Variants in TIMM44 observed in about 807,000 individuals in gnomAD.
The protein encoded by TIMM44 is mitochondrial import inner membrane translocase subunit TIM44.
In TIMM44, 37 loss-of-function variants were observed where a neutral mutation model predicts 63.8. The ratio of observed to expected loss-of-function variants is 0.58; its 90% confidence interval spans 0.45 to 0.76. The LOEUF is 0.76. Among genes scored for constraint, TIMM44 ranks in the 30% least tolerant of loss-of-function variants. The pLI is 0.00. For synonymous variants in TIMM44, 239 were observed against 245.1 expected (o/e 0.98, Z 0.23); for missense variants, 573 against 603.8 (o/e 0.95, Z 0.54).
intron 3 of TIMM44, 125 bp from the exon 4 acceptor site, chr19:7,935,270 A>G: frequency 1.2e-6 from 1 of 860,602 alleles, no homozygotes; most frequent in Non-Finnish European, 1.8e-6. Context: ...GATTCAAGCG[A>G]TTTTCCTGCC....
intron 3 of TIMM44, among the ~76,000 whole-genome samples, chr19:7,937,225 C>T (rs1202587772): frequency 4.0e-4 from 61 of 151,774 alleles, no homozygotes; most frequent in Non-Finnish European, 7.4e-5. Context: ...GCCAAGGTCA[C>T]GCCACTGCAC....
In TIMM44 at chr19:7,927,318, G is replaced by T; in HGVS notation, c.1240-12C>A. The T allele has an allele frequency of 6.2e-7, 1 of 1,609,392 alleles. No individual in the cohort carries two copies. On this transcript the variant is annotated splice_polypyrimidine_tract_variant and intron_variant, in intron 12 of 12. Transcript: ENST00000270538. ...CGCAGCACCTTGTCCTGCAGGGTGG[G>T]GTGGGAAGGGCACTGTTGAGAGGGT...
chr19:7,942,207 C>G (rs939412790), intron 1 of TIMM44, among the ~76,000 whole-genome samples: 1 of 152,084 alleles, frequency 6.6e-6, no homozygotes, highest in Admixed American at 6.6e-5. Flanking sequence ...ATTAGCCGGG[C>G]GTGGTGGCAC....
At chr19:7,931,003 C>A in intron 10 of TIMM44, 135 bp downstream of exon 10, 1 of 741,542 alleles carries the variant, frequency 1.3e-6, no homozygotes. Context: ...GAGGGTGAGA[C>A]GTGAGGATTC....
At chr19:7,938,221 A>G in intron 2 of TIMM44, 24 bp from the exon 3 acceptor site, 2 of 1,595,660 alleles carry the variant, frequency 1.3e-6, no homozygotes, top group Non-Finnish European at 1.7e-6. Flanking sequence ...ACAAGAAAAA[A>G]AATTTAAAGA....
chr19:7,942,259 G>A (rs897371095), intron 1 of TIMM44, among the ~76,000 whole-genome samples: 2 of 152,148 alleles, frequency 1.3e-5, no homozygotes, highest in African/African-American at 4.8e-5. Context: ...CTTAAACCCG[G>A]GAGGTGGAGG....
intron 2 of TIMM44, among the ~76,000 whole-genome samples, chr19:7,939,241 A>T (rs1984237094): frequency 6.6e-6 from 1 of 152,134 alleles, no homozygotes; most frequent in Admixed American, 6.6e-5. Flanking sequence ...ATGGGAGAGG[A>T]GGGGCATGGC....
intron 12 of TIMM44, 122 bp downstream of exon 12, chr19:7,927,535 C>T (rs974619838): frequency 2.1e-5 from 25 of 1,163,626 alleles, no homozygotes; most frequent in African/African-American, 3.0e-5. Flanking sequence ...AGAGGTTTCT[C>T]CACATCCCCA....
At position 7,934,762 on chromosome 19, in the gene TIMM44, G is replaced by A. The variant is rs1194313392; in HGVS notation, c.393+303C>T. 6.6e-6 allele frequency among the ~76,000 whole-genome samples: 1 copy of A among 152,172 alleles called. No individual in the cohort carries two copies. Among genetic ancestry groups the A allele is most frequent in the African/African-American group, 2.4e-5 (1 of 41,444 alleles). On this transcript the variant is annotated intron_variant, in intron 4 of 12. Coordinates refer to ENST00000270538, the MANE Select transcript of TIMM44 (RefSeq NM_006351.4). This position sits in a 1 kb window ranked among gnomAD's most constrained non-coding sequence, Gnocchi z 5.3. ...CCTCCCGCCTCTACCCTCGGGAGGGGGTGGAAGCGGCCCCTCTCCTCCTAT... is the reference window on the plus strand; with the variant it reads ...CCTCCCGCCTCTACCCTCGGGAGGGAGTGGAAGCGGCCCCTCTCCTCCTAT...
intron 12 of TIMM44, 35 bp from the exon 13 acceptor site, chr19:7,927,341 G>A: frequency 1.9e-6 from 3 of 1,604,716 alleles, no homozygotes; most frequent in African/African-American, 1.3e-5. Flanking sequence ...CTGTTGAGAG[G>A]GTTGAGGTGA....
At position 7,928,109 on chromosome 19, in the gene TIMM44, G is replaced by A. The variant is rs1299276232; in HGVS notation, c.1096C>T (p.His366Tyr). 6.2e-7 allele frequency: 1 copy of A among 1,614,082 alleles called. No individual in the cohort carries two copies. Among genetic ancestry groups the A allele is most frequent in the Admixed American group, 1.7e-5 (1 of 60,028 alleles). ...TTGTCAATGTCTAGGATGCGAGAATGGAACTGGAGACCCAGTGCCTTGGCC... is the reference window on the plus strand; with the variant it reads ...TTGTCAATGTCTAGGATGCGAGAATAGAACTGGAGACCCAGTGCCTTGGCC... ...QQAKALGLQFHSRILDIDNVD... is the reference protein window; with the variant it reads ...QQAKALGLQFYSRILDIDNVD... The change falls in exon 11 of 13, where the codon CAT (histidine) becomes TAT (tyrosine). Residue 366 changes from histidine to tyrosine, a missense_variant. His to Tyr is a moderately conservative substitution (Grantham distance 83). Coordinates refer to ENST00000270538, the MANE Select transcript of TIMM44 (RefSeq NM_006351.4).
chr19:7,934,459 CCGGCACCCCCAGAGCCA>C lies in TIMM44; in HGVS notation c.394-238_394-222del, dbSNP rs1984084930. Among the ~76,000 whole-genome samples, 1 of 133,604 alleles carries C rather than the reference CCGGCACCCCCAGAGCCA, an allele frequency of 7.5e-6. No homozygotes were observed. The highest frequency in any genetic ancestry group is 1.7e-5 in the Non-Finnish European group (1 of 57,670). 87.6% of individuals were successfully genotyped at this position (133,604 alleles called of 152,430 possible). A position where few individuals can be genotyped will look rare whatever the true frequency, so the allele number is the denominator to read the frequency against. On this transcript the variant is annotated intron_variant, in intron 4 of 12. Coordinates refer to ENST00000270538, the MANE Select transcript of TIMM44 (RefSeq NM_006351.4). The surrounding 1 kb of genome is among the most constrained non-coding windows in gnomAD (Gnocchi z 5.3). ...CGCCACCCCCAGAGCCACGAGCACA[CCGGCACCCCCAGAGCCA>C]TGAGCACACCGGCACCCCCAGAGCC...
intron 9 of TIMM44, chr19:7,931,596 G>A (rs566011394): frequency 2.5e-5 from 6 of 238,296 alleles, no homozygotes; most frequent in East Asian, 1.1e-4. Flanking sequence ...ACCACATTTC[G>A]GACTGCAAGG....
intron 2 of TIMM44, among the ~76,000 whole-genome samples, chr19:7,939,890 C>T (rs774446129): frequency 4.1e-4 from 63 of 151,978 alleles, no homozygotes; most frequent in Non-Finnish European, 5.7e-4. Context: ...CCAGCCTGGG[C>T]GACAGAGTGA....
At chr19:7,930,144 C>G (rs889184265) in intron 10 of TIMM44, among the ~76,000 whole-genome samples, 1 of 151,232 alleles carries the variant, frequency 6.6e-6, no homozygotes, top group Non-Finnish European at 1.5e-5. Context: ...CCACCGTGCC[C>G]GACCTATTTC....
Position 7,927,053 on chromosome 19 carries a change from T to A in TIMM44, c.*134A>T. ...TTGTCCCCTCCCGGGCCAGCTGGTC[T>A]TGCAGCCGTCCTGGCAGAGCTGGGG... On this transcript the variant is annotated 3_prime_UTR_variant, in exon 13 of 13. Transcript: ENST00000270538. 7.4e-7 allele frequency: 1 copy of A among 1,356,432 alleles called. No individual in the cohort carries two copies. Among genetic ancestry groups the A allele is most frequent in the Non-Finnish European group, 1.0e-6 (1 of 989,940 alleles). 84.0% of individuals were successfully genotyped at this position (1,356,432 alleles called of 1,614,324 possible).
intron 3 of TIMM44, chr19:7,937,808 A>G: frequency 2.0e-6 from 1 of 509,842 alleles, no homozygotes; most frequent in Non-Finnish European, 3.5e-6. Context: ...ACTTGAGGTC[A>G]GGAGTTCGAG....
Position 7,938,181 on chromosome 19 carries a change from G to C in TIMM44, c.158C>G (p.Ser53Cys). ...GGACAGAAAGCCTTTTCTGTTTCCA[G>C]AAGAATATGATTTGGACTAGAAAGA... ...GELPLSKSYS[S>C]GNRKGFLSGL... is the part of the protein sequence containing the mutation. The change falls in exon 3 of 13, where the codon TCT becomes TGT. Residue 53 changes from serine (S) to cysteine (C), a missense_variant. Coordinates refer to ENST00000270538, the MANE Select transcript of TIMM44 (RefSeq NM_006351.4). 1 of 1,613,266 alleles carries C rather than the reference G, an allele frequency of 6.2e-7. No homozygotes were observed.
intron 9 of TIMM44, chr19:7,932,176 T>G: frequency 4.9e-6 from 1 of 205,794 alleles, no homozygotes; most frequent in South Asian, 8.3e-5. Flanking sequence ...TACCCTCATC[T>G]ATAAGCCCAA....
Sources: allele counts gnomAD v4.1 joint callset (sites outside exome capture counted in the v4.1 genomes callset), GRCh38; gene constraint gnomAD v4.1.1; non-coding constraint Gnocchi (gnomAD v3.1); transcripts MANE v1.5; gene names NCBI Gene and HGNC (gene_info 2026-07-23, HGNC 2026-07-21).